Variants in NID2 observed in about 807,000 individuals in gnomAD.
The protein encoded by NID2 is nidogen-2.
A neutral mutation model predicts 145.4 loss-of-function variants in NID2; 83 were observed. That is an observed-to-expected ratio of 0.57 (90% CI 0.48 to 0.69). The LOEUF is 0.69. Among genes scored for constraint, NID2 ranks in the 30% least tolerant of loss-of-function variants. NID2 has a pLI of 0.00. For missense variants in NID2, 1,807 were observed against 1,765.7 expected (o/e 1.02, Z -0.42); for synonymous variants, 739 against 701.3 (o/e 1.05, Z -0.85).
At chr14:52,020,258 TGGATATGTG>T in intron 12 of NID2, 80 bp from the exon 13 acceptor site, 1 of 1,579,888 alleles carries the variant, frequency 6.3e-7, no homozygotes. Context: ...GCATGGGCTT[TGGATATGTG>T]GATCAACACC....
intron 9 of NID2, among the ~76,000 whole-genome samples, chr14:52,037,071 T>G (rs890898825): frequency 1.3e-5 from 2 of 152,194 alleles, no homozygotes; most frequent in Middle Eastern, 3.2e-3. Flanking sequence ...TCACAAAAAT[T>G]TACCCATATG....
intron 17 of NID2, 91 bp from the exon 18 acceptor site, chr14:52,011,138 A>G: frequency 8.0e-7 from 1 of 1,252,256 alleles, no homozygotes; most frequent in South Asian, 1.3e-5. Flanking sequence ...CAGGGGGGTC[A>G]GCAGGGGAAA....
rs999020684 is a variant in NID2 at position 52,053,874 on chromosome 14, A to T, written c.1134T>A (p.Asp378Glu). ...CCCAGGGCTCAACTTGGCCTTTTAAATCTGGGCCCCCTACCTCTCCCAGAG... is the reference window on the plus strand; with the variant it reads ...CCCAGGGCTCAACTTGGCCTTTTAATTCTGGGCCCCCTACCTCTCCCAGAG... ...GTSLGEVGGP[D>E]LKGQVEPWDE... Residue 378 changes from aspartate (D) to glutamate (E), a missense_variant, in exon 5 of 22, where the codon GAT (aspartate) becomes GAA (glutamate). Physicochemically the swap from Asp to Glu is conservative, Grantham distance 45. Transcript: ENST00000216286. 2 of 1,613,906 alleles carry T rather than the reference A, an allele frequency of 1.2e-6. No homozygotes were observed. Among genetic ancestry groups the T allele is most frequent in the African/African-American group, 2.7e-5 (2 of 74,890 alleles).
At position 52,040,653 on chromosome 14, in the gene NID2, G is replaced by A; in HGVS notation, c.2024C>T (p.Ser675Phe). The A allele has an allele frequency of 6.2e-7, 1 of 1,613,148 alleles. No individual in the cohort carries two copies. Among genetic ancestry groups the A allele is most frequent in the Non-Finnish European group, 8.5e-7 (1 of 1,179,128 alleles). The change falls in exon 8 of 22, where the codon TCC becomes TTC. Residue 675 changes from serine (S) to phenylalanine (F), a missense_variant and splice_region_variant. Transcript: ENST00000216286. The part of the protein sequence containing the change: ...PYKELYHYSD[S>F]TVTSTSSRDY... ...ATGTGAAGACTGGTTATACATACTG[G>A]AGTCGGAGTAGTGGTACAGCTCCTT...
At chr14:52,013,951 C>T (rs1438373243) in intron 16 of NID2, among the ~76,000 whole-genome samples, 1 of 152,242 alleles carries the variant, frequency 6.6e-6, no homozygotes, top group African/African-American at 2.4e-5. Context: ...GATGTTATGA[C>T]ATACAACCCT....
chr14:52,060,064 G>A (rs891631632), intron 3 of NID2, 60 bp downstream of exon 3: 27 of 1,226,312 alleles, frequency 2.2e-5, no homozygotes, highest in Non-Finnish European at 3.0e-5. Flanking sequence ...CTTGTGTTCA[G>A]GTACTTCCTA....
rs1595018888 is a variant in NID2, at chr14:52,027,230, CCAGG to C, written c.2641_2644del (p.Pro881ValfsTer12). 13 of 1,570,396 alleles carry C rather than the reference CCAGG, an allele frequency of 8.3e-6. No individual in the cohort carries two copies. The highest frequency in any genetic ancestry group is 4.9e-5 in the East Asian group (2 of 41,036). On this transcript the variant is annotated frameshift_variant, in exon 12 of 22. Transcript: ENST00000216286. LOFTEE classifies it high-confidence loss of function. Reference sequence around the variant, plus strand: ...GCACTGGTGCCCATCGCCGGCATAACCAGGCAGGCAGGCACAGCTGAACGTGCTG... The same window carrying C: ...GCACTGGTGCCCATCGCCGGCATAACCAGGCAGGCACAGCTGAACGTGCTG...
chr14:52,005,751 G>C lies in NID2; in HGVS notation c.4103C>G (p.Pro1368Arg). ...ATACTTTTTACCTGTTGGGCAGTAG[G>C]GGTAGACTGCAGTTATCCCGTAGAG... ...SHLYGITAVY[P>R]YCPTGRK Residue 1368 changes from proline (P) to arginine (R), a missense_variant, in exon 21 of 22, where the codon CCC (proline) becomes CGC (arginine). By Grantham distance (103) the Pro-to-Arg change is moderately radical. Transcript: ENST00000216286. 6.2e-7 allele frequency: 1 copy of C among 1,612,228 alleles called. No homozygotes were observed. Among genetic ancestry groups the C allele is most frequent in the South Asian group, 1.1e-5 (1 of 91,030 alleles).
At position 52,010,872 on chromosome 14, in the gene NID2, T is replaced by A. The variant is rs1257873899; in HGVS notation, c.3722+4A>T. ...AAGAGAAGAATTAGGGAAGCCCAGC[T>A]GACCCTCGGATTGGATCCACAGCGA... On this transcript the variant is annotated splice_donor_region_variant and intron_variant, in intron 18 of 21. Transcript: ENST00000216286. 6.2e-7 allele frequency: 1 copy of A among 1,611,046 alleles called. No homozygotes were observed. The highest frequency in any genetic ancestry group is 8.5e-7 in the Non-Finnish European group (1 of 1,178,444).
At chr14:52,058,709 C>T (rs1892930509) in intron 3 of NID2, among the ~76,000 whole-genome samples, 1 of 151,950 alleles carries the variant, frequency 6.6e-6, no homozygotes, top group Admixed American at 6.6e-5. Flanking sequence ...TTACCCAGGG[C>T]TCTGTAATTG....
At chr14:52,034,936 G>T (rs1292834241) in intron 9 of NID2, among the ~76,000 whole-genome samples, 1 of 152,144 alleles carries the variant, frequency 6.6e-6, no homozygotes, top group East Asian at 1.9e-4. Context: ...TCATCCTCTG[G>T]CTTGCTTGAA....
At chr14:52,033,772 T>C (rs919218681) in intron 9 of NID2, among the ~76,000 whole-genome samples, 5 of 152,124 alleles carry the variant, frequency 3.3e-5, no homozygotes, top group African/African-American at 1.2e-4. Flanking sequence ...GTGGATGAAG[T>C]AGGGTTCAAA....
chr14:52,048,138 G>A (rs1566130), intron 5 of NID2, among the ~76,000 whole-genome samples: 78,451 of 152,058 alleles, frequency 0.52, 20,580 homozygotes, highest in South Asian at 0.58. Flanking sequence ...GGCAGCTCCT[G>A]GGGTGGGCAG....
intron 11 of NID2, 37 bp downstream of exon 11, chr14:52,028,685 C>G (rs1215217844): frequency 1.2e-6 from 2 of 1,605,058 alleles, no homozygotes; most frequent in Non-Finnish European, 1.7e-6. Context: ...TAAAGAGCAC[C>G]ATTTTGGCCA....
chr14:52,019,181 G>C lies in NID2; in HGVS notation c.2908C>G (p.Leu970Val), dbSNP rs1180190049. The C allele has an allele frequency of 1.2e-6, 2 of 1,614,162 alleles. No individual in the cohort carries two copies. The change falls in exon 14 of 22, where the codon CTG becomes GTG. Residue 970 changes from leucine (L) to valine (V), a missense_variant. By Grantham distance (32) the Leu-to-Val change is conservative. Coordinates refer to ENST00000216286, the MANE Select transcript of NID2 (RefSeq NM_007361.4). ...GTGCTGCCATGACACTGTAGGGGCA[G>C]GAAGTTGCCCTGCTCGTCGCATTGG... is the stretch of plus-strand genomic sequence containing the variant. ...IPQCDEQGNF[L>V]PLQCHGSTGF...
intron 11 of NID2, 105 bp downstream of exon 11, chr14:52,028,617 A>G: frequency 1.5e-6 from 2 of 1,315,502 alleles, no homozygotes; most frequent in East Asian, 2.4e-5. Context: ...TAAGAAAACC[A>G]TATAGCAGAG....
intron 5 of NID2, among the ~76,000 whole-genome samples, chr14:52,051,095 G>A (rs992913492): frequency 3.3e-5 from 5 of 152,172 alleles, no homozygotes; most frequent in Non-Finnish European, 7.3e-5. Context: ...GACAGAGCTC[G>A]AGTGTGGCCA....
At chr14:52,013,898 T>A (rs1167357215) in intron 16 of NID2, among the ~76,000 whole-genome samples, 2 of 152,358 alleles carry the variant, frequency 1.3e-5, no homozygotes, top group South Asian at 4.1e-4. Flanking sequence ...TCACACCTTG[T>A]GACTAGTTGT....
chr14:52,029,558 C>T lies in NID2; in HGVS notation c.2390G>A (p.Arg797Gln), dbSNP rs750781931. The change falls in exon 10 of 22, where the codon CGG becomes CAG. Residue 797 changes from arginine to glutamine, a missense_variant. Physicochemically the swap from Arg to Gln is conservative, Grantham distance 43. Transcript: ENST00000216286. The part of the protein sequence containing the change: ...ECASGYQGDG[R>Q]NCVDENECAT... ...AACATGGCTCTTACCCACACAGTTC[C>T]GTCCATCTCCCTGGTACCCAGATGC... 2.3e-5 allele frequency: 37 copies of T among 1,612,674 alleles called. No homozygotes were observed. The highest frequency in any genetic ancestry group is 1.3e-4 in the Admixed American group (8 of 59,984).
Sources: gnomAD v4.1 joint callset for allele counts (sites outside exome capture counted in the v4.1 genomes callset) on GRCh38, gnomAD v4.1.1 for gene constraint, MANE v1.5 for transcripts, NCBI Gene and HGNC (gene_info 2026-07-23, HGNC 2026-07-21) for gene names.